Variants in KIF16B observed in about 807,000 individuals in gnomAD.
KIF16B encodes kinesin family member 16B, also known as kinesin-like protein KIF16B.
A neutral mutation model predicts 156.3 loss-of-function variants in KIF16B; 98 were observed. The ratio of observed to expected loss-of-function variants is 0.63; its 90% CI spans 0.53 to 0.74. The LOEUF is 0.74. Among genes scored for constraint, KIF16B ranks in the 30% least tolerant of loss-of-function variants. The pLI is 0.00. For missense variants in KIF16B, 1,421 were observed against 1,606.5 expected, an observed-to-expected ratio of 0.88 and a Z score of 1.97; for synonymous variants, 564 against 583.7, an observed-to-expected ratio of 0.97 and a Z score of 0.49.
intron 23 of KIF16B, 50 bp from the exon 24 acceptor site, chr20:16,336,065 C>G: frequency 8.9e-7 from 1 of 1,121,574 alleles, no homozygotes; most frequent in South Asian, 1.4e-5. Flanking sequence ...GCAAAAGTCA[C>G]TAAAATTTTT....
intron 25 of KIF16B, among the ~76,000 whole-genome samples, chr20:16,308,373 A>T (rs1242965971): frequency 6.6e-6 from 1 of 152,200 alleles, no homozygotes; most frequent in Non-Finnish European, 1.5e-5. Flanking sequence ...TTTAAGAATA[A>T]ATAATTAGAC....
chr20:16,485,253 C>A (rs2068083207), intron 12 of KIF16B, among the ~76,000 whole-genome samples: 1 of 152,114 alleles, frequency 6.6e-6, no homozygotes, highest in Non-Finnish European at 1.5e-5. Flanking sequence ...TGAGTGAAGG[C>A]AGGAGAAATC....
At chr20:16,274,073 A>AT (rs915701534) in intron 25 of KIF16B, among the ~76,000 whole-genome samples, 3 of 146,734 alleles carry the variant, frequency 2.0e-5, no homozygotes, top group African/African-American at 7.8e-5. Flanking sequence ...TAGAAAGATG[A>AT]TTAAAAAAAA....
chr20:16,306,844 G>A (rs557854893), intron 25 of KIF16B, among the ~76,000 whole-genome samples: 20 of 152,232 alleles, frequency 1.3e-4, no homozygotes, highest in Admixed American at 1.2e-3. Flanking sequence ...ACCAGATTCC[G>A]TGTTGTATAT....
intron 23 of KIF16B, 128 bp downstream of exon 23, chr20:16,356,202 C>T (rs117064762): frequency 0.012 from 14,994 of 1,224,390 alleles, 127 homozygotes; most frequent in Non-Finnish European, 0.015. Flanking sequence ...TAAAGAAGGG[C>T]AAGACCAAAT....
chr20:16,309,702 G>A (rs1353913249), intron 25 of KIF16B, among the ~76,000 whole-genome samples: 1 of 152,044 alleles, frequency 6.6e-6, no homozygotes, highest in Non-Finnish European at 1.5e-5. Flanking sequence ...ATCATGGTGA[G>A]GTTCAGAAAG....
intron 25 of KIF16B, among the ~76,000 whole-genome samples, chr20:16,304,455 C>T (rs1277120005): frequency 1.3e-5 from 2 of 152,182 alleles, no homozygotes; most frequent in Admixed American, 6.5e-5. Context: ...TCCTTGAATA[C>T]TCCAACAGCC....
rs1023696205 is a variant in KIF16B, at chr20:16,558,858, C to G, written c.47+14371G>C. On this transcript the variant is annotated intron_variant, in intron 1 of 25. Transcript: ENST00000354981. ...GGCAGAGGCTGCAGTGAGCCCAGATCATGTCACTGCACTCCAACCTAGGCA... is the reference window on the plus strand; with the variant it reads ...GGCAGAGGCTGCAGTGAGCCCAGATGATGTCACTGCACTCCAACCTAGGCA... Among the ~76,000 whole-genome samples, 5 of 121,030 alleles carry G rather than the reference C, an allele frequency of 4.1e-5. No individual in the cohort carries two copies. In the East Asian group the frequency reaches 1.1e-3, roughly 27 times the overall value. 79.4% of individuals were successfully genotyped at this position (121,030 alleles called of 152,430 possible).
At chr20:16,380,194 C>T (rs1451934901) in intron 18 of KIF16B, 31 bp from the exon 19 acceptor site, 2 of 1,468,342 alleles carry the variant, frequency 1.4e-6, no homozygotes, top group Admixed American at 2.6e-5. Context: ...TGGTTGTTAT[C>T]TGGTCATTGT....
At chr20:16,493,166 A>G (rs182669255) in intron 12 of KIF16B, among the ~76,000 whole-genome samples, 1 of 152,388 alleles carries the variant, frequency 6.6e-6, no homozygotes, top group East Asian at 1.9e-4. Flanking sequence ...GTTGCAGTAC[A>G]TAAGAAGCTG....
At chr20:16,510,936 A>G (rs554555635) in intron 6 of KIF16B, among the ~76,000 whole-genome samples, 1 of 152,344 alleles carries the variant, frequency 6.6e-6, no homozygotes, top group South Asian at 2.1e-4. Context: ...TGTACTCATC[A>G]TTGCTTGTGG....
At chr20:16,515,891 A>C (rs1424574105) in intron 3 of KIF16B, among the ~76,000 whole-genome samples, 1 of 152,228 alleles carries the variant, frequency 6.6e-6, no homozygotes, top group Non-Finnish European at 1.5e-5. Context: ...TTTCCTACTT[A>C]AGTTTACCAA....
intron 1 of KIF16B, among the ~76,000 whole-genome samples, chr20:16,538,722 T>G (rs2070076633): frequency 6.6e-6 from 1 of 152,190 alleles, no homozygotes; most frequent in South Asian, 2.1e-4. Context: ...TTGACATAGT[T>G]TCTACATTTG....
rs75392807 is a variant in KIF16B, at chr20:16,556,605, C to T, written c.47+16624G>A. 4.2e-3 allele frequency among the ~76,000 whole-genome samples: 639 copies of T among 152,268 alleles called. 8 individuals carry two copies. Among genetic ancestry groups the T allele is most frequent in the African/African-American group, 0.015 (606 of 41,546 alleles). On this transcript the variant is annotated intron_variant, in intron 1 of 25. Transcript: ENST00000354981. ...TGTTCTCACTCCTCCAATGGCCCTA[C>T]CACACTTAAAACCTAAGACTTTAGG...
At chr20:16,516,587 G>A (rs2069149863) in intron 3 of KIF16B, among the ~76,000 whole-genome samples, 1 of 152,188 alleles carries the variant, frequency 6.6e-6, no homozygotes, top group Non-Finnish European at 1.5e-5. Flanking sequence ...AGCTCCAGAT[G>A]AAGGGCTCCT....
chr20:16,371,642 G>T, intron 21 of KIF16B, 23 bp downstream of exon 21: 15 of 1,305,650 alleles, frequency 1.1e-5, no homozygotes, highest in Non-Finnish European at 1.6e-5. Context: ...GTTACTTCGT[G>T]TTACTTGGCT....
chr20:16,504,030 G>A (rs921660712), intron 10 of KIF16B, among the ~76,000 whole-genome samples: 3 of 151,982 alleles, frequency 2.0e-5, no homozygotes, highest in Non-Finnish European at 4.4e-5. Context: ...AAAATGCATG[G>A]GTGAAATTTT....
chr20:16,410,018 C>CAT (rs532290716), intron 15 of KIF16B, among the ~76,000 whole-genome samples: 2,889 of 54,394 alleles, frequency 0.053, 444 homozygotes, highest in South Asian at 0.068. Context: ...TATGTAGGTA[C>CAT]ATATATATAT....
chr20:16,367,121 T>C (rs750874985), intron 22 of KIF16B: 2 of 1,534,768 alleles, frequency 1.3e-6, no homozygotes, highest in Middle Eastern at 1.8e-4. Flanking sequence ...AAAAAACATG[T>C]AGTGCATCTT....
Sources: allele counts gnomAD v4.1 joint callset (sites outside exome capture counted in the v4.1 genomes callset), GRCh38; gene constraint gnomAD v4.1.1; transcripts MANE v1.5; gene names NCBI Gene and HGNC (gene_info 2026-07-23, HGNC 2026-07-21).